Variants in MOSMO observed in about 807,000 individuals in gnomAD.
The protein encoded by MOSMO is modulator of smoothened.
MOSMO carries 5 observed loss-of-function variants against 18.4 expected under a neutral mutation model. The observed-to-expected ratio is 0.27, with a 90% CI of 0.14 to 0.57. MOSMO has a LOEUF of 0.57. Among genes scored for constraint, MOSMO ranks in the 20% least tolerant of loss-of-function variants. The pLI, the probability that MOSMO is intolerant of heterozygous loss-of-function variation, is 0.92. For missense variants in MOSMO, 138 were observed against 211.8 expected, an observed-to-expected ratio of 0.65 and a Z score of 2.16; for synonymous variants, 82 against 82.3, an observed-to-expected ratio of 1.00 and a Z score of 0.02.
chr16:22,029,203 T>C (rs982093868), intron 1 of MOSMO, among the ~76,000 whole-genome samples: 7 of 152,184 alleles, frequency 4.6e-5, no homozygotes, highest in Non-Finnish European at 1.0e-4. Context: ...AAAAGTCAGA[T>C]GGTTTAATGT....
intron 1 of MOSMO, among the ~76,000 whole-genome samples, chr16:22,038,023 T>C (rs1424856929): frequency 1.3e-5 from 2 of 152,208 alleles, no homozygotes; most frequent in East Asian, 3.9e-4. Context: ...AATCATGCCT[T>C]GATCTTTCCC....
At position 22,075,582 on chromosome 16, in the gene MOSMO, A is replaced by G; in HGVS notation, c.202A>G (p.Thr68Ala). The G allele has an allele frequency of 6.5e-7, 1 of 1,537,286 alleles. No individual in the cohort carries two copies. Among genetic ancestry groups the G allele is most frequent in the Non-Finnish European group, 8.7e-7 (1 of 1,146,902 alleles). ...CCGGCTTCCCCCGGAGTGGGTCACC[A>G]CACTGTTTTTTATCATCATGGGAAT... ...PPRLPPEWVT[T>A]LFFIIMGIIS... The change falls in exon 2 of 3, where the codon ACA becomes GCA. Residue 68 changes from threonine to alanine, a missense_variant. Coordinates refer to ENST00000542527, the MANE Select transcript of MOSMO (RefSeq NM_001164579.2).
intron 1 of MOSMO, among the ~76,000 whole-genome samples, chr16:22,030,251 G>T (rs1299709101): frequency 1.3e-5 from 2 of 152,126 alleles, no homozygotes; most frequent in Non-Finnish European, 2.9e-5. Context: ...TCTGCAGGCA[G>T]ATAGATATTC....
intron 1 of MOSMO, among the ~76,000 whole-genome samples, chr16:22,037,436 G>A (rs1424209317): frequency 6.6e-6 from 1 of 152,170 alleles, no homozygotes; most frequent in Non-Finnish European, 1.5e-5. Flanking sequence ...GACCAAGTGT[G>A]TGTTTTTCCT....
chr16:22,011,559 A>G (rs1292628829), intron 1 of MOSMO, among the ~76,000 whole-genome samples: 4 of 152,206 alleles, frequency 2.6e-5, no homozygotes, highest in Non-Finnish European at 5.9e-5. Context: ...ATTGAAGACC[A>G]GTCAGAGTGG....
intron 1 of MOSMO, among the ~76,000 whole-genome samples, chr16:22,030,642 T>C (rs887540753): frequency 3.9e-5 from 6 of 152,136 alleles, no homozygotes; most frequent in African/African-American, 1.4e-4. Context: ...GTTCAGGTGA[T>C]TCTCAACCTC....
rs1900413664 is a variant in MOSMO at position 22,050,969 on chromosome 16, A to T, written c.107-24518A>T. Among the ~76,000 whole-genome samples, 6 of 151,914 alleles carry T rather than the reference A, an allele frequency of 3.9e-5. No homozygotes were observed. The South Asian group carries it at 1.2e-3, about 32-fold the overall frequency. On this transcript the variant is annotated intron_variant, in intron 1 of 2. Transcript: ENST00000542527. ...AACTCAAACTGAGAGTTCATTTTTT[A>T]GTGCAGTCCAGTCTGACAACTGCTG...
At chr16:22,062,347 G>A (rs1398257594) in intron 1 of MOSMO, among the ~76,000 whole-genome samples, 3 of 151,794 alleles carry the variant, frequency 2.0e-5, no homozygotes, top group East Asian at 3.9e-4. Context: ...TTATTTTAGA[G>A]AGAGGGTCTC....
intron 1 of MOSMO, among the ~76,000 whole-genome samples, chr16:22,042,451 A>C (rs141022355): frequency 6.6e-6 from 1 of 152,224 alleles, no homozygotes; most frequent in South Asian, 2.1e-4. Context: ...TGAACTTTAT[A>C]TATTTACTGT....
intron 1 of MOSMO, among the ~76,000 whole-genome samples, chr16:22,046,051 G>A (rs1299623381): frequency 1.0e-4 from 11 of 107,408 alleles, no homozygotes; most frequent in Admixed American, 4.9e-4. Context: ...CAACAGGCCC[G>A]GGTGTGTGCT....
At chr16:22,043,687 GTTGT>G (rs748891503) in intron 1 of MOSMO, among the ~76,000 whole-genome samples, 7 of 152,146 alleles carry the variant, frequency 4.6e-5, no homozygotes, top group Non-Finnish European at 7.3e-5. Flanking sequence ...AGAAAGCTGA[GTTGT>G]TTGTTACTTT....
At chr16:22,066,400 T>C (rs1399987335) in intron 1 of MOSMO, among the ~76,000 whole-genome samples, 1 of 152,140 alleles carries the variant, frequency 6.6e-6, no homozygotes, top group Admixed American at 6.5e-5. Flanking sequence ...TTTGAAAAGC[T>C]CCAACTTATT....
At chr16:22,087,607 T>C (rs545981569), downstream of MOSMO, 1 of 152,336 alleles carries the variant, frequency 6.6e-6, no homozygotes, top group Admixed American at 6.5e-5. Context: ...CCATTTTCCA[T>C]AATAAATTGC....
chr16:22,008,975 C>T (rs1899457147), intron 1 of MOSMO, among the ~76,000 whole-genome samples: 1 of 151,932 alleles, frequency 6.6e-6, no homozygotes, highest in Non-Finnish European at 1.5e-5. Context: ...GGGCTGCGGG[C>T]GCTGACCCCA....
At chr16:22,045,078 G>A (rs550160908) in intron 1 of MOSMO, among the ~76,000 whole-genome samples, 17 of 151,682 alleles carry the variant, frequency 1.1e-4, no homozygotes, top group African/African-American at 3.6e-4. Flanking sequence ...CCGGCTACTC[G>A]TGAGGCTGAG....
chr16:22,036,686 AT>A (rs1225095888), intron 1 of MOSMO, among the ~76,000 whole-genome samples: 2 of 152,122 alleles, frequency 1.3e-5, no homozygotes, highest in Admixed American at 6.5e-5. Flanking sequence ...GCATCAAGGT[AT>A]TCCCCCACCC....
downstream of MOSMO, among the ~76,000 whole-genome samples, chr16:22,091,035 TA>T (rs895568107): frequency 3.0e-3 from 431 of 143,128 alleles, no homozygotes; most frequent in Middle Eastern, 3.8e-3. Context: ...CTCCCGTGCC[TA>T]AAAAAAAAAA....
intron 1 of MOSMO, among the ~76,000 whole-genome samples, chr16:22,009,073 C>T (rs1232763282): frequency 1.3e-5 from 2 of 152,152 alleles, no homozygotes; most frequent in Non-Finnish European, 2.9e-5. Flanking sequence ...TGCACCGCCG[C>T]CCCCGCCCAT....
At chr16:22,091,986 A>T (rs73533985), downstream of MOSMO, among the ~76,000 whole-genome samples, 4,795 of 152,234 alleles carry the variant, frequency 0.031, 261 homozygotes, top group African/African-American at 0.11. Flanking sequence ...CTGAATGGGA[A>T]TGTTTTCCTA....
Sources: gnomAD v4.1 joint callset for allele counts (sites outside exome capture counted in the v4.1 genomes callset) on GRCh38, gnomAD v4.1.1 for gene constraint, MANE v1.5 for transcripts, NCBI Gene and HGNC (gene_info 2026-07-23, HGNC 2026-07-21) for gene names.